Variants in NDUFA8 observed in about 807,000 individuals in gnomAD.
NDUFA8 encodes the protein NADH:ubiquinone oxidoreductase subunit A8.
NDUFA8 carries 16 observed loss-of-function variants against 20.9 expected under a neutral mutation model. The ratio of observed to expected loss-of-function variants is 0.77; its 90% CI spans 0.52 to 1.16. The LOEUF (loss-of-function observed/expected upper bound fraction) is 1.16, where lower values mean the gene tolerates loss of function less well. Among genes scored for constraint, NDUFA8 ranks in the 50% most tolerant of loss-of-function variants. The pLI, the probability that NDUFA8 is intolerant of heterozygous loss-of-function variation, is 0.00. For missense variants in NDUFA8, 202 were observed against 216.4 expected, an observed-to-expected ratio of 0.93 and a Z score of 0.42; for synonymous variants, 70 against 76.1, an observed-to-expected ratio of 0.92 and a Z score of 0.41.
intron 1 of NDUFA8, 51 bp downstream of exon 1, chr9:122,159,576 C>T: frequency 6.2e-7 from 1 of 1,610,014 alleles, no homozygotes; most frequent in Non-Finnish European, 8.5e-7. Context: ...GGCCCAGGCC[C>T]GAGAAGCCGC....
downstream of NDUFA8, among the ~76,000 whole-genome samples, chr9:122,142,755 A>C (rs889130638): frequency 1.3e-5 from 2 of 152,204 alleles, no homozygotes; most frequent in Non-Finnish European, 2.9e-5. Context: ...ATTATTATTT[A>C]TGCAAGGCCC....
intron 1 of NDUFA8, among the ~76,000 whole-genome samples, chr9:122,157,136 C>T (rs1461728052): frequency 6.6e-6 from 1 of 152,224 alleles, no homozygotes; most frequent in Non-Finnish European, 1.5e-5. Flanking sequence ...TTACTGTTCT[C>T]TCAAAACACT....
At chr9:122,132,484 AT>A in the NDUFA8 span, among the ~76,000 whole-genome samples, 1 of 152,134 alleles carries the variant, frequency 6.6e-6, no homozygotes, top group African/African-American at 2.4e-5. Flanking sequence ...GCTGACAAGA[AT>A]CTGGCCTTCA....
chr9:122,152,889 G>A (rs998161995), intron 1 of NDUFA8, among the ~76,000 whole-genome samples: 1 of 151,992 alleles, frequency 6.6e-6, no homozygotes, highest in Non-Finnish European at 1.5e-5. Flanking sequence ...GGGGTGTAGA[G>A]AAGGATGGAG....
At chr9:122,141,512 G>C (rs185144372), downstream of NDUFA8, among the ~76,000 whole-genome samples, 5 of 152,346 alleles carry the variant, frequency 3.3e-5, no homozygotes, top group Non-Finnish European at 2.9e-5. Context: ...AAGAGTCAAA[G>C]ATGCATCTCA....
At chr9:122,147,783 C>T (rs1828928180) in intron 3 of NDUFA8, among the ~76,000 whole-genome samples, 2 of 152,032 alleles carry the variant, frequency 1.3e-5, no homozygotes, top group South Asian at 2.1e-4. Context: ...CCCACCACCA[C>T]ACCCGGCTAA....
At chr9:122,133,031 T>C in the NDUFA8 span, 1 of 456,094 alleles carries the variant, frequency 2.2e-6, no homozygotes, top group South Asian at 1.5e-5. Context: ...TTCATGCCCA[T>C]GGTTCCATCT....
Position 122,148,264 on chromosome 9 carries a change from G to C in NDUFA8, c.229C>G (p.His77Asp), listed in dbSNP as rs973843002. ...ALDFFRQIKR[H>D]CAEPFTEYWT... ...TATTCTGTAAAAGGCTCTGCACAGT[G>C]ACGTTTTATCTGCCTGGAAAAGAAA... The change falls in exon 3 of 4, where the codon CAC (histidine) becomes GAC (aspartate). Residue 77 changes from histidine to aspartate, a missense_variant. By Grantham distance (81) the His-to-Asp change is moderately conservative. Coordinates refer to ENST00000373768, the MANE Select transcript of NDUFA8 (RefSeq NM_014222.3). The C allele has an allele frequency of 4.5e-5, 72 of 1,614,020 alleles. No individual in the cohort carries two copies. Among genetic ancestry groups the C allele is most frequent in the Non-Finnish European group, 5.4e-5 (64 of 1,180,030 alleles).
intron 1 of NDUFA8, among the ~76,000 whole-genome samples, chr9:122,158,057 G>A (rs139515046): frequency 2.6e-5 from 4 of 152,310 alleles, no homozygotes; most frequent in African/African-American, 9.6e-5. Flanking sequence ...GGAGGCTGAG[G>A]CAGCAGAATC....
At chr9:122,152,435 CCA>C (rs768789795) in intron 1 of NDUFA8, 27 bp from the exon 2 acceptor site, 123 of 1,612,426 alleles carry the variant, frequency 7.6e-5, no homozygotes, top group Non-Finnish European at 1.0e-4. Flanking sequence ...GGGACAAAGG[CCA>C]CAGACTGTGA....
At chr9:122,133,892 C>T in the NDUFA8 span, among the ~76,000 whole-genome samples, 5 of 152,230 alleles carry the variant, frequency 3.3e-5, no homozygotes, top group Admixed American at 1.3e-4. Flanking sequence ...TGGTGCCCTG[C>T]GCCTGGTCCT....
intron 1 of NDUFA8, among the ~76,000 whole-genome samples, chr9:122,156,648 G>T (rs1417576985): frequency 6.6e-6 from 1 of 152,138 alleles, no homozygotes; most frequent in Non-Finnish European, 1.5e-5. Context: ...AGCCAATGAG[G>T]TCCAAAATGT....
the NDUFA8 span, among the ~76,000 whole-genome samples, chr9:122,132,603 G>A: frequency 6.6e-6 from 1 of 152,140 alleles, no homozygotes; most frequent in Non-Finnish European, 1.5e-5. Flanking sequence ...AATCCTGACT[G>A]GCTGTGTGAC....
At chr9:122,133,368 G>T in the NDUFA8 span, among the ~76,000 whole-genome samples, 1 of 152,190 alleles carries the variant, frequency 6.6e-6, no homozygotes, top group Non-Finnish European at 1.5e-5. Context: ...AGACTCAGAA[G>T]TACAGAGGCA....
At chr9:122,156,507 C>T (rs1829077686) in intron 1 of NDUFA8, among the ~76,000 whole-genome samples, 1 of 152,120 alleles carries the variant, frequency 6.6e-6, no homozygotes, top group South Asian at 2.1e-4. Flanking sequence ...AAGAACAGTG[C>T]CTATCACATC....
chr9:122,141,754 G>A (rs1293313735), downstream of NDUFA8, among the ~76,000 whole-genome samples: 1 of 152,194 alleles, frequency 6.6e-6, no homozygotes, highest in Admixed American at 6.5e-5. Context: ...TACTGAAATT[G>A]AGACAGGCAC....
At chr9:122,138,013 G>A in the NDUFA8 span, among the ~76,000 whole-genome samples, 5 of 152,150 alleles carry the variant, frequency 3.3e-5, no homozygotes, top group African/African-American at 1.2e-4. Flanking sequence ...TCACCACTAG[G>A]ATCCTTGGAA....
Position 122,152,247 on chromosome 9 carries a change from A to C in NDUFA8, c.213T>G (p.Phe71Leu), listed in dbSNP as rs539479015. 1 of 1,614,198 alleles carries C rather than the reference A, an allele frequency of 6.2e-7. No homozygotes were observed. The highest frequency in any genetic ancestry group is 8.5e-7 in the Non-Finnish European group (1 of 1,180,030). ...GCACTGATACCAAAGATTTTTACCT[A>C]AAGAAGTCCAAAGCACACTTGTTGA... is the stretch of plus-strand genomic sequence containing the variant. ...KLVNKCALDFFRQIKRHCAEP... is the reference protein window; with the variant it reads ...KLVNKCALDFLRQIKRHCAEP... Residue 71 changes from phenylalanine to leucine, a missense_variant and splice_region_variant, in exon 2 of 4, where the codon TTT becomes TTG. By Grantham distance (22) the Phe-to-Leu change is conservative (BLOSUM62 0). Coordinates refer to ENST00000373768, the MANE Select transcript of NDUFA8 (RefSeq NM_014222.3).
chr9:122,158,410 A>C (rs1167636326), intron 1 of NDUFA8, among the ~76,000 whole-genome samples: 1 of 151,996 alleles, frequency 6.6e-6, no homozygotes, highest in Non-Finnish European at 1.5e-5. Flanking sequence ...CAGGCTCAGC[A>C]CCTGCTGCTT....
Sources: gnomAD v4.1 joint callset for allele counts (sites outside exome capture counted in the v4.1 genomes callset) on GRCh38, gnomAD v4.1.1 for gene constraint, MANE v1.5 for transcripts, NCBI Gene and HGNC (gene_info 2026-07-23, HGNC 2026-07-21) for gene names.